MECOM: variants seen among roughly 807,000 people sequenced by gnomAD.
MECOM encodes the protein MDS1 and EVI1 complex locus.
MECOM carries 13 observed loss-of-function variants against 116.3 expected under a neutral mutation model. That is an observed-to-expected ratio of 0.11 (90% CI 0.07 to 0.18). The LOEUF (loss-of-function observed/expected upper bound fraction) is 0.18. Among genes scored for constraint, MECOM ranks in the 10% least tolerant of loss-of-function variants. The pLI is 1.00. For missense variants in MECOM, 1,299 were observed against 1,509.0 expected (o/e 0.86, Z 2.31); for synonymous variants, 528 against 535.2 (o/e 0.99, Z 0.19).
chr3:169,303,879 G>A (rs1717212085), intron 2 of MECOM, among the ~76,000 whole-genome samples: 1 of 152,176 alleles, frequency 6.6e-6, no homozygotes, highest in Non-Finnish European at 1.5e-5. Flanking sequence ...TCCTTCTCAG[G>A]AAGAAAAGGA....
intron 1 of MECOM, among the ~76,000 whole-genome samples, chr3:169,553,883 T>G (rs1761702800): frequency 6.6e-6 from 1 of 152,222 alleles, no homozygotes; most frequent in African/African-American, 2.4e-5. Flanking sequence ...TGGCCTCTTT[T>G]TAGCTTAATT....
intron 1 of MECOM, among the ~76,000 whole-genome samples, chr3:169,412,287 A>G (rs992252551): frequency 9.1e-5 from 9 of 98,782 alleles, no homozygotes; most frequent in African/African-American, 2.4e-4. Flanking sequence ...CTCTGTCTCA[A>G]AAAAAAAAAA....
intron 2 of MECOM, chr3:169,146,237 A>G: frequency 8.7e-7 from 1 of 1,150,740 alleles, no homozygotes. Context: ...ATCTAGCCAA[A>G]GGGTCCGAAT....
chr3:169,521,311 T>C (rs1757326602), intron 1 of MECOM, among the ~76,000 whole-genome samples: 1 of 152,164 alleles, frequency 6.6e-6, no homozygotes, highest in Non-Finnish European at 1.5e-5. Flanking sequence ...AGGGTAAGTG[T>C]CTTGATTATT....
chr3:169,251,586 G>A (rs928982268), intron 2 of MECOM, among the ~76,000 whole-genome samples: 1 of 152,082 alleles, frequency 6.6e-6, no homozygotes, highest in African/African-American at 2.4e-5. Flanking sequence ...GAAGCCGCCA[G>A]GACCCAGCTC....
At chr3:169,200,074 C>T (rs1044427401) in intron 2 of MECOM, among the ~76,000 whole-genome samples, 1 of 152,046 alleles carries the variant, frequency 6.6e-6, no homozygotes, top group African/African-American at 2.4e-5. Flanking sequence ...GGAGTGGGAG[C>T]TGGGGGAGGA....
chr3:169,185,575 G>T (rs1746596810), intron 2 of MECOM, among the ~76,000 whole-genome samples: 1 of 152,176 alleles, frequency 6.6e-6, no homozygotes, highest in Non-Finnish European at 1.5e-5. Context: ...CAATAAGGTA[G>T]TGTCCTGCAG....
intron 2 of MECOM, among the ~76,000 whole-genome samples, chr3:169,240,423 A>G (rs1277694623): frequency 6.6e-6 from 1 of 152,178 alleles, no homozygotes; most frequent in Admixed American, 6.5e-5. Flanking sequence ...TTTTGAATTC[A>G]TGATTATCAG....
chr3:169,438,724 G>T (rs760074862), intron 1 of MECOM, among the ~76,000 whole-genome samples: 3 of 152,188 alleles, frequency 2.0e-5, no homozygotes, highest in Non-Finnish European at 4.4e-5. Context: ...GCCAGCACGT[G>T]AAGAAATGTT....
At chr3:169,514,409 C>T (rs528767900) in intron 1 of MECOM, among the ~76,000 whole-genome samples, 84 of 151,948 alleles carry the variant, frequency 5.5e-4, no homozygotes, top group Non-Finnish European at 1.1e-3. Context: ...AGGGAGTCGG[C>T]GACTAAAAGG....
intron 1 of MECOM, among the ~76,000 whole-genome samples, chr3:169,471,558 A>T (rs1358307543): frequency 1.3e-5 from 2 of 152,188 alleles, no homozygotes; most frequent in African/African-American, 4.8e-5. Flanking sequence ...GGAATCCAAC[A>T]AGGAGGAAAG....
At chr3:169,102,970 G>A (rs571212090) in intron 10 of MECOM, among the ~76,000 whole-genome samples, 35 of 151,558 alleles carry the variant, frequency 2.3e-4, no homozygotes, top group African/African-American at 8.5e-4. Context: ...CACACTTTTC[G>A]AGAAACATTC....
intron 1 of MECOM, among the ~76,000 whole-genome samples, chr3:169,630,140 C>T (rs1170946924): frequency 6.6e-6 from 1 of 152,194 alleles, no homozygotes; most frequent in Non-Finnish European, 1.5e-5. Flanking sequence ...AGCTCCCTGT[C>T]ATGACCCCCT....
chr3:169,514,455 A>T (rs1467993206), intron 1 of MECOM, among the ~76,000 whole-genome samples: 1 of 152,228 alleles, frequency 6.6e-6, no homozygotes, highest in Non-Finnish European at 1.5e-5. Context: ...CATGTGAAAG[A>T]AGAGGTTTTG....
chr3:169,657,949 A>T (rs1173662540), intron 1 of MECOM, among the ~76,000 whole-genome samples: 1 of 152,202 alleles, frequency 6.6e-6, no homozygotes, highest in Non-Finnish European at 1.5e-5. Flanking sequence ...GAAGAACTAC[A>T]CTATTTCTCC....
At chr3:169,244,141 T>C (rs1017192636) in intron 2 of MECOM, among the ~76,000 whole-genome samples, 1 of 152,192 alleles carries the variant, frequency 6.6e-6, no homozygotes, top group East Asian at 1.9e-4. Context: ...TGTTCTAATT[T>C]CCCTTTCTCC....
At chr3:169,442,409 T>C (rs1475655518) in intron 1 of MECOM, among the ~76,000 whole-genome samples, 1 of 152,174 alleles carries the variant, frequency 6.6e-6, no homozygotes, top group Non-Finnish European at 1.5e-5. Flanking sequence ...AAAGTATGAA[T>C]TAGAGAGTTT....
Position 169,381,365 on chromosome 3 carries a change from G to A in MECOM, c.197C>T (p.Ala66Val), listed in dbSNP as rs929448789. The A allele has an allele frequency of 3.1e-6, 5 of 1,613,900 alleles. No homozygotes were observed. Among genetic ancestry groups the A allele is most frequent in the Admixed American group, 1.7e-5 (1 of 60,006 alleles). The change falls in exon 2 of 17, where the codon GCC becomes GTC. Residue 66 changes from alanine (A) to valine (V), a missense_variant. This residue lies in a region of MECOM where 374 missense variants were observed against 433.4 expected (regional missense o/e 0.86). Coordinates refer to ENST00000651503, the MANE Select transcript of MECOM (RefSeq NM_004991.4). ...GATATCATCAGGGATGTAGATGGGG[G>A]CTTTGTAAGGAGAACCCTCCTTTGG... ...FTPKEGSPYK[A>V]PIYIPDDIPI...
intron 1 of MECOM, among the ~76,000 whole-genome samples, chr3:169,521,601 T>A (rs1757358816): frequency 6.6e-6 from 1 of 152,218 alleles, no homozygotes; most frequent in Non-Finnish European, 1.5e-5. Context: ...ATCAGACCAG[T>A]GCAGCATTGG....
Sources: gnomAD v4.1 joint callset for allele counts (sites outside exome capture counted in the v4.1 genomes callset) on GRCh38, gnomAD v4.1.1 for gene constraint, gnomAD v4.1.1 regional missense constraint, MANE v1.5 for transcripts, NCBI Gene and HGNC (gene_info 2026-07-23, HGNC 2026-07-21) for gene names.